Variants in CTNNA3 observed in about 807,000 individuals in gnomAD.
CTNNA3 encodes catenin alpha-3.
Under a neutral mutation model 95.7 loss-of-function variants are expected in CTNNA3, and 76 were observed. The ratio of observed to expected loss-of-function variants is 0.79; its 90% CI spans 0.66 to 0.96. The LOEUF is 0.96. Among genes scored for constraint, CTNNA3 ranks in the 40% least tolerant of loss-of-function variants. The pLI, the probability that CTNNA3 is intolerant of heterozygous loss-of-function variation, is 0.00. For missense variants in CTNNA3, 1,191 were observed against 1,089.8 expected (o/e 1.09, Z -1.31); for synonymous variants, 431 against 374.4 (o/e 1.15, Z -1.74).
chr10:67,013,847 A>C (rs1336389620), intron 7 of CTNNA3, among the ~76,000 whole-genome samples: 1 of 152,162 alleles, frequency 6.6e-6, no homozygotes. Flanking sequence ...GAAAAGATAC[A>C]GGCCCACTCT....
intron 7 of CTNNA3, among the ~76,000 whole-genome samples, chr10:66,896,721 C>A (rs553304263): frequency 5.3e-5 from 8 of 152,328 alleles, no homozygotes; most frequent in African/African-American, 1.9e-4. Context: ...TCTCTAGCCT[C>A]CTCTTGCTAG....
chr10:67,275,403 A>G (rs1174352441), intron 5 of CTNNA3, among the ~76,000 whole-genome samples: 1 of 152,186 alleles, frequency 6.6e-6, no homozygotes, highest in South Asian at 2.1e-4. Flanking sequence ...TAGATAATAG[A>G]TGAGAAACTT....
At chr10:66,654,617 G>A (rs532906401) in intron 9 of CTNNA3, among the ~76,000 whole-genome samples, 1 of 152,062 alleles carries the variant, frequency 6.6e-6, no homozygotes, top group South Asian at 2.1e-4. Flanking sequence ...ATGTCCAAAT[G>A]GTATGAAATT....
Position 67,197,201 on chromosome 10 carries a change from G to T in CTNNA3, c.844-16681C>A, listed in dbSNP as rs1863415383. On this transcript the variant is annotated intron_variant, in intron 6 of 17. Transcript: ENST00000433211. ...ATCTGCAAAATTTAAACAAACATTT[G>T]AATAGTTCCTGTCATTTCCGAGGTT... Among the ~76,000 whole-genome samples the T allele has an allele frequency of 5.3e-5, 8 of 151,992 alleles. No homozygotes were observed. The South Asian group carries it at 1.7e-3, about 32-fold the overall frequency.
At chr10:67,106,054 T>C (rs1313496695) in intron 7 of CTNNA3, among the ~76,000 whole-genome samples, 2 of 152,212 alleles carry the variant, frequency 1.3e-5, no homozygotes, top group African/African-American at 4.8e-5. Flanking sequence ...AATGAATCCT[T>C]GTTACACTTC....
chr10:67,167,116 A>G (rs899176041), intron 7 of CTNNA3, among the ~76,000 whole-genome samples: 43 of 141,290 alleles, frequency 3.0e-4, no homozygotes, highest in African/African-American at 8.3e-4. Context: ...CAAAAAAAAG[A>G]AAAAAAAAAA....
intron 7 of CTNNA3, among the ~76,000 whole-genome samples, chr10:67,132,176 T>C (rs144168839): frequency 6.6e-6 from 1 of 152,246 alleles, no homozygotes; most frequent in Non-Finnish European, 1.5e-5. Flanking sequence ...AAATCTAATA[T>C]GACTCTTATG....
intron 12 of CTNNA3, among the ~76,000 whole-genome samples, chr10:66,330,334 C>G (rs1055507089): frequency 3.3e-5 from 5 of 151,546 alleles, no homozygotes; most frequent in African/African-American, 1.2e-4. Context: ...GTTTTTTGTC[C>G]TTGCCATAGT....
rs536482808 is a variant in CTNNA3 at position 66,804,714 on chromosome 10, G to A, written c.1048-29190C>T. ...CCTAGTTATTTTCAGACCTAATCCCGTTGCATTGTAGTTGTCATTAAAGCT... is the reference window on the plus strand; with the variant it reads ...CCTAGTTATTTTCAGACCTAATCCCATTGCATTGTAGTTGTCATTAAAGCT... On this transcript the variant is annotated intron_variant, in intron 7 of 17. Coordinates refer to ENST00000433211, the MANE Select transcript of CTNNA3 (RefSeq NM_013266.4). 5.9e-5 allele frequency among the ~76,000 whole-genome samples: 9 copies of A among 151,972 alleles called. No homozygotes were observed. The South Asian group carries it at 1.5e-3, about 25-fold the overall frequency.
At chr10:66,770,244 G>A (rs538070780) in intron 8 of CTNNA3, among the ~76,000 whole-genome samples, 1 of 152,274 alleles carries the variant, frequency 6.6e-6, no homozygotes, top group Admixed American at 6.5e-5. Flanking sequence ...ATATGGAATT[G>A]TTTTCATTAA....
intron 11 of CTNNA3, among the ~76,000 whole-genome samples, chr10:66,468,577 T>C (rs1362672669): frequency 2.0e-5 from 3 of 151,968 alleles, no homozygotes; most frequent in Non-Finnish European, 4.4e-5. Flanking sequence ...AATGATATTG[T>C]ATTGTATCTT....
intron 17 of CTNNA3, among the ~76,000 whole-genome samples, chr10:65,955,967 T>A (rs2077720687): frequency 6.6e-6 from 1 of 152,164 alleles, no homozygotes; most frequent in Non-Finnish European, 1.5e-5. Flanking sequence ...GGAATGGAAC[T>A]GGCTCCTCTT....
At chr10:66,736,445 G>A (rs1157533050) in intron 9 of CTNNA3, among the ~76,000 whole-genome samples, 6 of 151,476 alleles carry the variant, frequency 4.0e-5, no homozygotes, top group Non-Finnish European at 8.8e-5. Flanking sequence ...TGCCTGCCTC[G>A]GCCTCCCAAT....
intron 5 of CTNNA3, among the ~76,000 whole-genome samples, chr10:67,387,989 A>G (rs1410609958): frequency 6.6e-6 from 1 of 152,078 alleles, no homozygotes; most frequent in Non-Finnish European, 1.5e-5. Context: ...TGGAAACTCT[A>G]AAAAGCAGAG....
intron 5 of CTNNA3, among the ~76,000 whole-genome samples, chr10:67,240,149 T>C (rs1051975052): frequency 2.6e-5 from 4 of 152,204 alleles, no homozygotes; most frequent in African/African-American, 9.6e-5. Context: ...AAAACCACTC[T>C]GGTAAGGGAA....
At chr10:66,685,321 G>GTATATATATATATATA (rs1564617397) in intron 9 of CTNNA3, among the ~76,000 whole-genome samples, 6 of 21,968 alleles carry the variant, frequency 2.7e-4, no homozygotes, top group East Asian at 1.5e-3. Context: ...GTGTGTGTAT[G>GTATATATATATATATA]TGTGTATATA....
chr10:67,317,429 T>C (rs1196756298), intron 5 of CTNNA3, among the ~76,000 whole-genome samples: 5 of 66,758 alleles, frequency 7.5e-5, no homozygotes, highest in Non-Finnish European at 2.3e-4. Flanking sequence ...GTTCTCATTG[T>C]TCTTTTTTTT....
chr10:66,343,194 C>A (rs528298774), intron 12 of CTNNA3, among the ~76,000 whole-genome samples: 8 of 151,942 alleles, frequency 5.3e-5, no homozygotes, highest in Non-Finnish European at 5.9e-5. Context: ...CAAATAGGAC[C>A]CCAATATGAT....
intron 5 of CTNNA3, among the ~76,000 whole-genome samples, chr10:67,436,514 C>G (rs181447973): frequency 1.1e-3 from 163 of 152,216 alleles, no homozygotes; most frequent in African/African-American, 3.7e-3. Context: ...GCAAAAGGAA[C>G]AGTCAGCAGA....
Sources: allele counts gnomAD v4.1 joint callset (sites outside exome capture counted in the v4.1 genomes callset), GRCh38; gene constraint gnomAD v4.1.1; transcripts MANE v1.5; gene names NCBI Gene and HGNC (gene_info 2026-07-23, HGNC 2026-07-21).